Variants in DPP10 observed in about 807,000 individuals in gnomAD.
The protein encoded by DPP10 is inactive dipeptidyl peptidase 10.
DPP10 carries 33 observed loss-of-function variants against 120.9 expected under a neutral mutation model. That is an observed-to-expected ratio of 0.27 (90% CI 0.21 to 0.37). DPP10 has a LOEUF of 0.37. DPP10 is among the 10% of genes least tolerant of loss of function. The pLI is 1.00. For synonymous variants in DPP10, 337 were observed against 326.1 expected (o/e 1.03, Z -0.36); for missense variants, 816 against 942.8 (o/e 0.87, Z 1.76).
At chr2:114,970,941 G>A (rs905345632) in intron 1 of DPP10, among the ~76,000 whole-genome samples, 1 of 152,170 alleles carries the variant, frequency 6.6e-6, no homozygotes, top group African/African-American at 2.4e-5. Context: ...CTAGGAAGCT[G>A]AGGAGCAGCA....
At chr2:115,412,989 A>T (rs1255389585) in intron 3 of DPP10, among the ~76,000 whole-genome samples, 1 of 152,166 alleles carries the variant, frequency 6.6e-6, no homozygotes, top group Non-Finnish European at 1.5e-5. Context: ...TACTAATATT[A>T]TCAAGTGTTC....
intron 8 of DPP10, among the ~76,000 whole-genome samples, chr2:115,735,016 T>C (rs2093002477): frequency 6.6e-6 from 1 of 152,148 alleles, no homozygotes; most frequent in Non-Finnish European, 1.5e-5. Flanking sequence ...ATACAATTTT[T>C]ACAGAAATAG....
At chr2:114,721,206 C>A (rs567071876) in intron 1 of DPP10, among the ~76,000 whole-genome samples, 4 of 152,290 alleles carry the variant, frequency 2.6e-5, no homozygotes, top group Non-Finnish European at 5.9e-5. Context: ...GGTGTGCATT[C>A]ATTCTATCAT....
intron 1 of DPP10, among the ~76,000 whole-genome samples, chr2:114,519,762 G>T (rs1476145606): frequency 6.6e-6 from 1 of 152,172 alleles, no homozygotes; most frequent in African/African-American, 2.4e-5. Flanking sequence ...CCACATAGCT[G>T]CATTGCCCTG....
chr2:115,385,279 G>A lies in DPP10; in HGVS notation c.271+41367G>A, dbSNP rs117266301. Among the ~76,000 whole-genome samples the A allele has an allele frequency of 3.5e-4, 54 of 152,210 alleles. No individual in the cohort carries two copies. In the East Asian group the frequency reaches 9.5e-3, roughly 27 times the overall value. ...AGAGGCCAAGATGAATCTGAAGAGA[G>A]GCCTCACTGAGTCCTTCTTCAGTCG... is the stretch of plus-strand genomic sequence containing the variant. On this transcript the variant is annotated intron_variant, in intron 3 of 25. Coordinates refer to ENST00000410059, the MANE Select transcript of DPP10 (RefSeq NM_020868.6).
At chr2:115,776,664 C>A (rs189390941) in intron 13 of DPP10, among the ~76,000 whole-genome samples, 79 of 152,084 alleles carry the variant, frequency 5.2e-4, no homozygotes, top group Non-Finnish European at 9.1e-4. Flanking sequence ...ATACTACTAC[C>A]TGTTTTTTAC....
At chr2:115,011,719 C>T (rs1702277430) in intron 1 of DPP10, among the ~76,000 whole-genome samples, 1 of 152,104 alleles carries the variant, frequency 6.6e-6, no homozygotes. Flanking sequence ...TGTGGAGGCT[C>T]ACATCCTCAA....
In DPP10 at chr2:115,088,087, GTCC is replaced by G. The variant is rs1708876141; in HGVS notation, c.61-221149_61-221147del. Among the ~76,000 whole-genome samples the G allele has an allele frequency of 9.9e-5, 15 of 152,250 alleles. 1 individual carries two copies. In the South Asian group the frequency reaches 3.1e-3, roughly 32 times the overall value. On this transcript the variant is annotated intron_variant, in intron 1 of 25. Coordinates refer to ENST00000410059, the MANE Select transcript of DPP10 (RefSeq NM_020868.6). ...TTTATAGATGGTGCTTTTTAGCTGT[GTCC>G]TCACACGGTGGAAGGAGAGACCTAG...
chr2:115,682,848 T>G (rs1250570675), intron 5 of DPP10, among the ~76,000 whole-genome samples: 1 of 151,856 alleles, frequency 6.6e-6, no homozygotes, highest in Non-Finnish European at 1.5e-5. Context: ...CTGAAAGTAT[T>G]GTATTTCAGT....
At chr2:114,769,756 G>T (rs1400457507) in intron 1 of DPP10, among the ~76,000 whole-genome samples, 5 of 151,954 alleles carry the variant, frequency 3.3e-5, no homozygotes, top group African/African-American at 1.2e-4. Context: ...ATACGTCCAG[G>T]CATGCACACA....
intron 1 of DPP10, among the ~76,000 whole-genome samples, chr2:114,509,145 AGATG>A (rs1683929034): frequency 1.3e-5 from 2 of 152,204 alleles, no homozygotes; most frequent in African/African-American, 4.8e-5. Context: ...CAGTACTGTA[AGATG>A]CCACAAAATC....
intron 3 of DPP10, among the ~76,000 whole-genome samples, chr2:115,344,619 T>C (rs1182100935): frequency 6.6e-6 from 1 of 152,110 alleles, no homozygotes; most frequent in Non-Finnish European, 1.5e-5. Flanking sequence ...AGTCAATCTC[T>C]GACATAAAAA....
chr2:114,652,341 A>G lies in DPP10; in HGVS notation c.60+209503A>G, dbSNP rs113918102. On this transcript the variant is annotated intron_variant, in intron 1 of 25. Transcript: ENST00000410059. ...AGGTAAATGCAGCTTCTGGAGGCAC[A>G]TCCTAACAGAACCCCAGAGAAATTT... Among the ~76,000 whole-genome samples the G allele has an allele frequency of 3.0e-4, 45 of 152,352 alleles. 1 individual carries two copies. Among genetic ancestry groups the G allele is most frequent in the African/African-American group, 1.0e-3 (43 of 41,578 alleles).
chr2:115,524,002 C>T (rs2077980921), intron 4 of DPP10, among the ~76,000 whole-genome samples: 1 of 152,132 alleles, frequency 6.6e-6, no homozygotes, highest in Non-Finnish European at 1.5e-5. Flanking sequence ...TAGGTGTAAA[C>T]CCCCATACCT....
chr2:114,571,610 C>G (rs1689653740), intron 1 of DPP10, among the ~76,000 whole-genome samples: 1 of 151,956 alleles, frequency 6.6e-6, no homozygotes, highest in African/African-American at 2.4e-5. Flanking sequence ...TGGAGGGAAC[C>G]AGAAAGTGGT....
intron 4 of DPP10, among the ~76,000 whole-genome samples, chr2:115,509,093 G>A (rs1284195874): frequency 1.3e-5 from 2 of 151,976 alleles, no homozygotes; most frequent in Admixed American, 6.6e-5. Flanking sequence ...TGCGGGTCAT[G>A]GTGCTAAATT....
intron 1 of DPP10, among the ~76,000 whole-genome samples, chr2:115,096,130 A>T (rs1232016118): frequency 6.6e-6 from 1 of 152,138 alleles, no homozygotes; most frequent in Non-Finnish European, 1.5e-5. Flanking sequence ...CATAGTTCCC[A>T]AACTATGTGT....
chr2:115,345,583 G>A (rs890330980), intron 3 of DPP10, among the ~76,000 whole-genome samples: 24 of 151,864 alleles, frequency 1.6e-4, no homozygotes. Context: ...CATGTTTTTG[G>A]ACAAATTATA....
intron 1 of DPP10, among the ~76,000 whole-genome samples, chr2:115,191,091 T>A (rs1195100631): frequency 3.3e-5 from 5 of 152,130 alleles, no homozygotes; most frequent in Admixed American, 2.0e-4. Context: ...TAGAAATGGC[T>A]TAACGAAGGG....
Sources: gnomAD v4.1 joint callset for allele counts (sites outside exome capture counted in the v4.1 genomes callset) on GRCh38, gnomAD v4.1.1 for gene constraint, MANE v1.5 for transcripts, NCBI Gene and HGNC (gene_info 2026-07-23, HGNC 2026-07-21) for gene names.